The following FAM222A variants were observed in gnomAD, a reference collection of about 807,000 sequenced individuals.
The protein encoded by FAM222A is protein FAM222A.
In FAM222A, 7 loss-of-function variants were observed where a neutral mutation model predicts 25.8. That is an observed-to-expected ratio of 0.27 (90% CI 0.15 to 0.51). The LOEUF (loss-of-function observed/expected upper bound fraction) is 0.51, where lower values mean the gene tolerates loss of function less well. Ranked by LOEUF, FAM222A falls within the 20% of genes least tolerant of loss-of-function variation. The pLI is 0.97. For synonymous variants in FAM222A, 294 were observed against 298.8 expected (o/e 0.98, Z 0.17); for missense variants, 573 against 640.5 (o/e 0.89, Z 1.14).
chr12:109,720,179 G>A, intron 1 of FAM222A: 1 of 985,482 alleles, frequency 1.0e-6, no homozygotes. Flanking sequence ...AGCCGCAGCA[G>A]CTGTTTGGGG....
At chr12:109,740,335 A>C (rs756082809) in intron 1 of FAM222A, among the ~76,000 whole-genome samples, 2 of 152,082 alleles carry the variant, frequency 1.3e-5, no homozygotes, top group Non-Finnish European at 2.9e-5. Context: ...GGTGCCAAGC[A>C]TTCTAATCAT....
intron 1 of FAM222A, among the ~76,000 whole-genome samples, chr12:109,716,196 C>T (rs899432566): frequency 6.6e-6 from 1 of 152,202 alleles, no homozygotes; most frequent in African/African-American, 2.4e-5. Context: ...GCACGCTTCC[C>T]TGCAAAGGCC....
chr12:109,753,563 G>GT (rs1888621515), intron 2 of FAM222A, among the ~76,000 whole-genome samples: 1 of 152,036 alleles, frequency 6.6e-6, no homozygotes, highest in African/African-American at 2.4e-5. Context: ...CCATCCCGGG[G>GT]GGGGGAGCCT....
In FAM222A at chr12:109,770,412, T is replaced by C. The variant is rs1025691424; in HGVS notation, c.*1124T>C. 1.3e-5 allele frequency: 2 copies of C among 152,634 alleles called. No individual in the cohort carries two copies. The highest frequency in any genetic ancestry group is 2.4e-5 in the African/African-American group (1 of 41,458). The allele number at this position is 152,634 out of a possible 1,614,324, so 9.5% of individuals were successfully genotyped here. A position where few individuals can be genotyped will look rare whatever the true frequency, so the allele number is the denominator to read the frequency against. ...TGAGAATGTTTTTTTTATACTAAAA[T>C]TGACCATTATATTCTACTGTGAGAA... On this transcript the variant is annotated 3_prime_UTR_variant, in exon 3 of 3. Coordinates refer to ENST00000538780, the MANE Select transcript of FAM222A (RefSeq NM_032829.3).
chr12:109,743,917 G>A, intron 1 of FAM222A, 184 bp from the exon 2 acceptor site: 1 of 985,414 alleles, frequency 1.0e-6, no homozygotes, highest in Non-Finnish European at 1.2e-6. Context: ...TTCCCATGAG[G>A]CCACAGATGG....
intron 2 of FAM222A, among the ~76,000 whole-genome samples, chr12:109,765,510 G>A (rs377451487): frequency 6.6e-6 from 1 of 152,218 alleles, no homozygotes; most frequent in Non-Finnish European, 1.5e-5. Context: ...CAGGGCCTTT[G>A]CCTGGGCTGT....
chr12:109,722,524 C>G (rs941957616), intron 1 of FAM222A: 1 of 152,260 alleles, frequency 6.6e-6, no homozygotes, highest in African/African-American at 2.4e-5. Context: ...TGCTCCTGAC[C>G]TCCCCAGGGG....
intron 1 of FAM222A, among the ~76,000 whole-genome samples, chr12:109,730,500 C>T (rs1355692038): frequency 1.3e-5 from 2 of 152,150 alleles, no homozygotes; most frequent in Non-Finnish European, 2.9e-5. Context: ...CCTTTGCGCT[C>T]CGTGCCAGGT....
At chr12:109,726,119 TAA>T (rs11464580) in intron 1 of FAM222A, among the ~76,000 whole-genome samples, 3,022 of 110,348 alleles carry the variant, frequency 0.027, 100 homozygotes, top group African/African-American at 0.078. Flanking sequence ...AAAAAATTGC[TAA>T]AAAAAAAAAA....
At position 109,721,968 on chromosome 12, in the gene FAM222A, C is replaced by T. The variant is rs531958744; in HGVS notation, c.-47+7071C>T. ...CTCAGCTAAGCAGAGTAGGGTCACG[C>T]ACTTGTTGGGTGGCCGAGCTGGCAT... On this transcript the variant is annotated intron_variant, in intron 1 of 2. Coordinates refer to ENST00000538780, the MANE Select transcript of FAM222A (RefSeq NM_032829.3). Among the ~76,000 whole-genome samples the T allele has an allele frequency of 5.9e-5, 9 of 152,242 alleles. No homozygotes were observed. The South Asian group carries it at 1.9e-3, about 32-fold the overall frequency.
rs1331372126 is a variant in FAM222A, at chr12:109,769,267, C to A, written c.1338C>A (p.Ile446=). ...PRLLDHQHAH[I]RLPVYR ...TACTCGACCACCAGCATGCCCACAT[C>A]CGCCTACCCGTCTACAGATAAGGCC... The change falls in exon 3 of 3, where the codon ATC becomes ATA. Residue 446 remains isoleucine (I), a synonymous_variant. Transcript: ENST00000538780. 2 of 1,610,626 alleles carry A rather than the reference C, an allele frequency of 1.2e-6. No individual in the cohort carries two copies. Among genetic ancestry groups the A allele is most frequent in the Non-Finnish European group, 1.7e-6 (2 of 1,179,172 alleles).
At chr12:109,743,608 G>T (rs1157943100) in intron 1 of FAM222A, among the ~76,000 whole-genome samples, 1 of 152,206 alleles carries the variant, frequency 6.6e-6, no homozygotes, top group Non-Finnish European at 1.5e-5. Flanking sequence ...GATGCCCTGG[G>T]CGGGAGACAG....
In FAM222A at chr12:109,770,328, A is replaced by C. The variant is rs1312188770; in HGVS notation, c.*1040A>C. The C allele has an allele frequency of 6.6e-6, 1 of 152,646 alleles. No homozygotes were observed. Among genetic ancestry groups the C allele is most frequent in the African/African-American group, 2.4e-5 (1 of 41,452 alleles). 9.5% of individuals were successfully genotyped at this position (152,646 alleles called of 1,614,324 possible). A position where few individuals can be genotyped will look rare whatever the true frequency, so the allele number is the denominator to read the frequency against. ...AGTCCTGGCCCCTCTGGCGCTCTGG[A>C]AGCGGTACTGTATCTCTCTCCAAGG... On this transcript the variant is annotated 3_prime_UTR_variant, in exon 3 of 3. Coordinates refer to ENST00000538780, the MANE Select transcript of FAM222A (RefSeq NM_032829.3).
At chr12:109,731,192 T>C (rs1190719411) in intron 1 of FAM222A, among the ~76,000 whole-genome samples, 4 of 151,866 alleles carry the variant, frequency 2.6e-5, no homozygotes, top group African/African-American at 9.7e-5. Context: ...GCCAGAGGGG[T>C]AGTGCCTTGC....
chr12:109,748,781 G>A (rs1242201899), intron 2 of FAM222A, among the ~76,000 whole-genome samples: 1 of 152,030 alleles, frequency 6.6e-6, no homozygotes, highest in Non-Finnish European at 1.5e-5. Context: ...TAATGATACT[G>A]TCTATCCCCT....
At chr12:109,716,466 T>G (rs1887647506) in intron 1 of FAM222A, among the ~76,000 whole-genome samples, 1 of 152,142 alleles carries the variant, frequency 6.6e-6, no homozygotes, top group Admixed American at 6.5e-5. Flanking sequence ...CTAGCTAGAT[T>G]AACAGGTCAA....
At chr12:109,734,461 T>G (rs1277457986) in intron 1 of FAM222A, 2 of 152,080 alleles carry the variant, frequency 1.3e-5, no homozygotes, top group African/African-American at 4.8e-5. Flanking sequence ...TCCAAGCCTC[T>G]GGGGTTTCCT....
chr12:109,769,339 G>A lies in FAM222A; in HGVS notation c.*51G>A. The A allele has an allele frequency of 2.0e-6, 3 of 1,515,242 alleles. No homozygotes were observed. The highest frequency in any genetic ancestry group is 2.7e-6 in the Non-Finnish European group (3 of 1,127,874). The allele number at this position is 1,515,242 out of a possible 1,614,324, so 93.9% of individuals were successfully genotyped here. On this transcript the variant is annotated 3_prime_UTR_variant, in exon 3 of 3. Transcript: ENST00000538780. ...TGCGGACAGGGCGCAGAGCCGGGAGGCAGGCCGCAGAACAGGGTGGGCGGC... is the reference window on the plus strand; with the variant it reads ...TGCGGACAGGGCGCAGAGCCGGGAGACAGGCCGCAGAACAGGGTGGGCGGC...
chr12:109,733,524 C>T (rs969045421), intron 1 of FAM222A, among the ~76,000 whole-genome samples: 1 of 152,078 alleles, frequency 6.6e-6, no homozygotes, highest in Admixed American at 6.6e-5. Context: ...CTGCCTCAGC[C>T]TCCTGAGTAG....
Sources: gnomAD v4.1 joint callset for allele counts (sites outside exome capture counted in the v4.1 genomes callset) on GRCh38, gnomAD v4.1.1 for gene constraint, MANE v1.5 for transcripts, NCBI Gene and HGNC (gene_info 2026-07-23, HGNC 2026-07-21) for gene names.